ADAMTS3: variants seen among roughly 807,000 people sequenced by gnomAD.
ADAMTS3 encodes the protein A disintegrin and metalloproteinase with thrombospondin motifs 3.
A neutral mutation model predicts 129.0 loss-of-function variants in ADAMTS3; 73 were observed. The observed-to-expected ratio is 0.57, with a 90% CI of 0.47 to 0.69. The LOEUF is 0.69. ADAMTS3 is among the 30% of genes least tolerant of loss of function. ADAMTS3 has a pLI of 0.00. For synonymous variants in ADAMTS3, 477 were observed against 510.8 expected (o/e 0.93, Z 0.89); for missense variants, 1,457 against 1,514.5 (o/e 0.96, Z 0.63).
At chr4:72,421,829 T>C (rs984347703) in intron 3 of ADAMTS3, among the ~76,000 whole-genome samples, 1 of 152,092 alleles carries the variant, frequency 6.6e-6, no homozygotes, top group African/African-American at 2.4e-5. Flanking sequence ...AAAATTGGAG[T>C]GACTATTTTT....
At chr4:72,350,516 C>T (rs1459733753) in intron 4 of ADAMTS3, among the ~76,000 whole-genome samples, 1 of 151,974 alleles carries the variant, frequency 6.6e-6, no homozygotes, top group East Asian at 1.9e-4. Flanking sequence ...GAATTTTACC[C>T]TTTTGGCTGC....
chr4:72,498,096 T>C lies in ADAMTS3; in HGVS notation c.504+50382A>G, dbSNP rs552760448. 1.5e-4 allele frequency among the ~76,000 whole-genome samples: 23 copies of C among 152,188 alleles called. No individual in the cohort carries two copies. The South Asian group carries it at 4.6e-3, about 30-fold the overall frequency. ...TCAGGCATAACTAAAAAGACCAGTA[T>C]ATAACTAAGTGTTTTCCGTATAACA... On this transcript the variant is annotated intron_variant, in intron 3 of 21. Coordinates refer to ENST00000286657, the MANE Select transcript of ADAMTS3 (RefSeq NM_014243.3).
chr4:72,482,012 T>C (rs1394464140), intron 3 of ADAMTS3, among the ~76,000 whole-genome samples: 7 of 152,064 alleles, frequency 4.6e-5, no homozygotes, highest in African/African-American at 1.7e-4. Context: ...CAAATGCTGG[T>C]AAGAATGTGA....
chr4:72,458,314 A>G (rs895732832), intron 3 of ADAMTS3, among the ~76,000 whole-genome samples: 1 of 151,590 alleles, frequency 6.6e-6, no homozygotes, highest in Non-Finnish European at 1.5e-5. Flanking sequence ...TGTCTTTAAA[A>G]TATGGCCATT....
At chr4:72,533,608 C>G (rs1721102341) in intron 3 of ADAMTS3, among the ~76,000 whole-genome samples, 1 of 151,900 alleles carries the variant, frequency 6.6e-6, no homozygotes, top group Admixed American at 6.6e-5. Flanking sequence ...CACATATGCA[C>G]ATATGTATAT....
chr4:72,517,365 A>C (rs1363863895), intron 3 of ADAMTS3, among the ~76,000 whole-genome samples: 1 of 152,148 alleles, frequency 6.6e-6, no homozygotes, highest in Non-Finnish European at 1.5e-5. Flanking sequence ...TGAGTTAGGG[A>C]GGATTCCCTC....
At chr4:72,538,350 G>T (rs1415183337) in intron 3 of ADAMTS3, among the ~76,000 whole-genome samples, 1 of 152,168 alleles carries the variant, frequency 6.6e-6, no homozygotes, top group East Asian at 1.9e-4. Context: ...TAATTAAATT[G>T]CTGAAAGACA....
rs564882016 is a variant in ADAMTS3 at position 72,381,379 on chromosome 4, C to T, written c.661+33436G>A. On this transcript the variant is annotated intron_variant, in intron 4 of 21. Coordinates refer to ENST00000286657, the MANE Select transcript of ADAMTS3 (RefSeq NM_014243.3). ...GCAACTTGATATTCCATTCTTACAT[C>T]GAGTGCTATTGGATTAATTTTGCAA... Among the ~76,000 whole-genome samples the T allele has an allele frequency of 4.6e-5, 7 of 152,178 alleles. No individual in the cohort carries two copies. In the South Asian group the frequency reaches 1.5e-3, roughly 32 times the overall value.
At chr4:72,552,314 G>C (rs747556306) in intron 2 of ADAMTS3, among the ~76,000 whole-genome samples, 40 of 152,286 alleles carry the variant, frequency 2.6e-4, no homozygotes, top group Non-Finnish European at 5.3e-4. Flanking sequence ...GGTTTGGTGA[G>C]AGTTTTACAT....
At chr4:72,333,733 G>C (rs78678359) in intron 5 of ADAMTS3, among the ~76,000 whole-genome samples, 1 of 151,880 alleles carries the variant, frequency 6.6e-6, no homozygotes, top group African/African-American at 2.4e-5. Flanking sequence ...TTACTAAAAC[G>C]CATGCCCTTA....
At chr4:72,438,605 T>C (rs1468512892) in intron 3 of ADAMTS3, among the ~76,000 whole-genome samples, 1 of 151,766 alleles carries the variant, frequency 6.6e-6, no homozygotes, top group African/African-American at 2.4e-5. Flanking sequence ...TTATCATACC[T>C]CTCATAGCCT....
chr4:72,456,871 A>T lies in ADAMTS3; in HGVS notation c.505-41900T>A, dbSNP rs138021964. Reference sequence around the variant, plus strand: ...TATAGTGCCCCAAGCCAACACAGGGAGGGACTACAAAGGATTAAAAGACAA... The same window carrying T: ...TATAGTGCCCCAAGCCAACACAGGGTGGGACTACAAAGGATTAAAAGACAA... On this transcript the variant is annotated intron_variant, in intron 3 of 21. Transcript: ENST00000286657. Among the ~76,000 whole-genome samples, 320 of 151,714 alleles carry T rather than the reference A, an allele frequency of 2.1e-3. 1 individual carries two copies. The highest frequency in any genetic ancestry group is 0.014 in the Middle Eastern group (4 of 294).
chr4:72,319,448 G>C lies in ADAMTS3; in HGVS notation c.1236C>G (p.Gly412=). 1 of 1,613,774 alleles carries C rather than the reference G, an allele frequency of 6.2e-7. No individual in the cohort carries two copies. The highest frequency in any genetic ancestry group is 8.5e-7 in the Non-Finnish European group (1 of 1,179,872). The part of the protein sequence containing the change: ...HVLGMEHDGQ[G]NRCGDETAMG... Reference sequence around the variant, plus strand: ...TAGCAGTCTCATCACCACACCTGTTGCCTTGTCCATCATGCTCCATTCCCA... The same window carrying C: ...TAGCAGTCTCATCACCACACCTGTTCCCTTGTCCATCATGCTCCATTCCCA... Residue 412 remains glycine, a synonymous_variant, in exon 9 of 22, where the codon GGC becomes GGG. Transcript: ENST00000286657.
In ADAMTS3 at chr4:72,436,366, G is replaced by A. The variant is rs533882720; in HGVS notation, c.505-21395C>T. ...AAAAGTCAGGAAACAACAGGTGCTG[G>A]AGAGGATGTGGAGAAATAGGAACAC... On this transcript the variant is annotated intron_variant, in intron 3 of 21. Coordinates refer to ENST00000286657, the MANE Select transcript of ADAMTS3 (RefSeq NM_014243.3). 2.0e-5 allele frequency among the ~76,000 whole-genome samples: 3 copies of A among 152,218 alleles called. No individual in the cohort carries two copies. In the South Asian group the frequency reaches 6.2e-4, roughly 32 times the overall value.
chr4:72,306,918 A>C (rs1719102867), intron 15 of ADAMTS3, among the ~76,000 whole-genome samples: 1 of 151,988 alleles, frequency 6.6e-6, no homozygotes, highest in Admixed American at 6.6e-5. Context: ...TTTAGAATTA[A>C]GATTATGACC....
intron 3 of ADAMTS3, among the ~76,000 whole-genome samples, chr4:72,425,662 C>T (rs1578668713): frequency 6.6e-6 from 1 of 152,126 alleles, no homozygotes; most frequent in Non-Finnish European, 1.5e-5. Flanking sequence ...ACGACATGAA[C>T]TCATCCTTTT....
intron 20 of ADAMTS3, among the ~76,000 whole-genome samples, chr4:72,289,530 C>T (rs1023386594): frequency 2.6e-5 from 4 of 152,170 alleles, no homozygotes; most frequent in African/African-American, 9.7e-5. Flanking sequence ...GGGACTTCTA[C>T]TGAGACTTTG....
At position 72,497,120 on chromosome 4, in the gene ADAMTS3, A is replaced by G. The variant is rs188003393; in HGVS notation, c.504+51358T>C. Among the ~76,000 whole-genome samples, 546 of 150,636 alleles carry G rather than the reference A, an allele frequency of 3.6e-3. 3 individuals carry two copies. The highest frequency in any genetic ancestry group is 0.013 in the African/African-American group (529 of 40,068). On this transcript the variant is annotated intron_variant, in intron 3 of 21. Coordinates refer to ENST00000286657, the MANE Select transcript of ADAMTS3 (RefSeq NM_014243.3). ...GTTTAATATATCCACTAATTAATAG[A>G]ATATTTTTTTCCTATATAATCCACA...
chr4:72,458,460 G>C (rs1332041400), intron 3 of ADAMTS3, among the ~76,000 whole-genome samples: 2 of 151,492 alleles, frequency 1.3e-5, no homozygotes, highest in African/African-American at 4.8e-5. Context: ...CAGAAATTAT[G>C]GTAAAAATAG....
Sources: gnomAD v4.1 joint callset for allele counts (sites outside exome capture counted in the v4.1 genomes callset) on GRCh38, gnomAD v4.1.1 for gene constraint, MANE v1.5 for transcripts, NCBI Gene and HGNC (gene_info 2026-07-23, HGNC 2026-07-21) for gene names.